Variants in XXYLT1 observed in about 807,000 individuals in gnomAD.
The protein encoded by XXYLT1 is UDP-xylose:alpha-xyloside alpha-1,3-xylosyltransferase.
In XXYLT1, 20 loss-of-function variants were observed where a neutral mutation model predicts 28.9. The observed-to-expected ratio is 0.69, with a 90% CI of 0.49 to 1.00. XXYLT1 has a LOEUF of 1.00. Ranked by LOEUF, XXYLT1 falls within the 50% of genes least tolerant of loss-of-function variation. The pLI is 0.00. For synonymous variants in XXYLT1, 257 were observed against 253.8 expected, an observed-to-expected ratio of 1.01 and a Z score of -0.12; for missense variants, 542 against 560.1, an observed-to-expected ratio of 0.97 and a Z score of 0.33.
intron 2 of XXYLT1, among the ~76,000 whole-genome samples, chr3:195,204,478 T>TCA (rs1722989652): frequency 7.7e-6 from 1 of 130,306 alleles, no homozygotes; most frequent in African/African-American, 2.9e-5. Flanking sequence ...ACTCTCTCAC[T>TCA]CTCTCTCTCT....
chr3:195,157,423 G>A (rs575852829), intron 2 of XXYLT1, among the ~76,000 whole-genome samples: 2 of 152,230 alleles, frequency 1.3e-5, no homozygotes, highest in South Asian at 2.1e-4. Flanking sequence ...CGAAACGGCT[G>A]AATGATCTCA....
At chr3:195,177,439 G>T (rs2108729759) in intron 2 of XXYLT1, among the ~76,000 whole-genome samples, 1 of 152,284 alleles carries the variant, frequency 6.6e-6, no homozygotes, top group South Asian at 2.1e-4. Flanking sequence ...TACCAGGCTT[G>T]CCAAGAGCAT....
rs1438058365 is a variant in XXYLT1 at position 195,180,409 on chromosome 3, C to G, written c.653-23828G>C. The G allele has an allele frequency of 4.1e-6, 4 of 985,562 alleles. No individual in the cohort carries two copies. The highest frequency in any genetic ancestry group is 1.2e-4 in the Admixed American group (2 of 16,270). 61.1% of individuals were successfully genotyped at this position (985,562 alleles called of 1,614,324 possible). On this transcript the variant is annotated intron_variant, in intron 2 of 3. Coordinates refer to ENST00000310380, the MANE Select transcript of XXYLT1 (RefSeq NM_152531.5). This position sits in a 1 kb window ranked among gnomAD's most constrained non-coding sequence, Gnocchi z 5.8. ...GACACACTTCCTTCGGCTGCAGCCT[C>G]GCCGATTCCCGAGCTGTTTCCTGCT...
At chr3:195,085,478 G>A (rs1373620895) in intron 3 of XXYLT1, among the ~76,000 whole-genome samples, 1 of 152,204 alleles carries the variant, frequency 6.6e-6, no homozygotes, top group Non-Finnish European at 1.5e-5. Flanking sequence ...GCATGCCAGC[G>A]CATTTCACCA....
At chr3:195,258,396 G>A (rs1725558143) in intron 1 of XXYLT1, among the ~76,000 whole-genome samples, 1 of 152,192 alleles carries the variant, frequency 6.6e-6, no homozygotes, top group Non-Finnish European at 1.5e-5. Context: ...GTTACTGTGT[G>A]CAATCAGACC....
intron 3 of XXYLT1, among the ~76,000 whole-genome samples, chr3:195,087,909 C>T (rs1315140278): frequency 1.3e-5 from 2 of 151,758 alleles, no homozygotes; most frequent in East Asian, 1.9e-4. Flanking sequence ...CAAAGGGAGT[C>T]AAAGAAAGGG....
At chr3:195,260,145 G>C (rs1258796718) in intron 1 of XXYLT1, 2 of 151,706 alleles carry the variant, frequency 1.3e-5, no homozygotes, top group Non-Finnish European at 2.9e-5. Flanking sequence ...CTCAGGCTTG[G>C]GGGCTGCAGC....
At chr3:195,074,435 G>A (rs531272757) in intron 3 of XXYLT1, among the ~76,000 whole-genome samples, 15 of 152,322 alleles carry the variant, frequency 9.8e-5, no homozygotes, top group Admixed American at 3.3e-4. Flanking sequence ...ACCCGGAAAC[G>A]TGATTTCCCT....
At chr3:195,158,369 C>T (rs949301955) in intron 2 of XXYLT1, among the ~76,000 whole-genome samples, 1 of 152,126 alleles carries the variant, frequency 6.6e-6, no homozygotes, top group Non-Finnish European at 1.5e-5. Flanking sequence ...GCTGGGAGGG[C>T]GGGGCTCAGG....
intron 2 of XXYLT1, among the ~76,000 whole-genome samples, chr3:195,187,237 CAA>C (rs749480905): frequency 1.2e-4 from 13 of 108,298 alleles, no homozygotes; most frequent in Non-Finnish European, 1.7e-4. Flanking sequence ...GACTCCATCT[CAA>C]AAAAAAAAAA....
chr3:195,119,582 GC>G (rs1428649847), intron 3 of XXYLT1, among the ~76,000 whole-genome samples: 1 of 152,134 alleles, frequency 6.6e-6, no homozygotes, highest in Admixed American at 6.5e-5. Context: ...CCTAGCCCGG[GC>G]CCCGCACAGA....
intron 2 of XXYLT1, among the ~76,000 whole-genome samples, chr3:195,193,516 T>C (rs1363301303): frequency 1.3e-5 from 2 of 152,178 alleles, no homozygotes; most frequent in Non-Finnish European, 2.9e-5. Context: ...CCCAGCAGAC[T>C]TTTTGGTAGA....
intron 3 of XXYLT1, among the ~76,000 whole-genome samples, chr3:195,151,176 A>G (rs984732449): frequency 5.3e-5 from 8 of 152,196 alleles, no homozygotes; most frequent in Admixed American, 5.2e-4. Flanking sequence ...TGCTGCTGCT[A>G]AAAAGGGAAG....
intron 3 of XXYLT1, among the ~76,000 whole-genome samples, chr3:195,149,340 G>T (rs369037286): frequency 2.6e-5 from 4 of 152,176 alleles, no homozygotes; most frequent in East Asian, 1.9e-4. Flanking sequence ...TCATCCGATG[G>T]GGGGGCAACA....
rs992461741 is a variant in XXYLT1 at position 195,210,897 on chromosome 3, C to A, written c.652+15812G>T. On this transcript the variant is annotated intron_variant, in intron 2 of 3. Transcript: ENST00000310380. The surrounding 1 kb of genome is among the most constrained non-coding windows in gnomAD (Gnocchi z 4.8). Reference sequence around the variant, plus strand: ...ACACCAAGAACCCCTGCTCCTCCCCCCAGCTGAACGCTGACAGTCAAGGGC... The same window carrying A: ...ACACCAAGAACCCCTGCTCCTCCCCACAGCTGAACGCTGACAGTCAAGGGC... Among the ~76,000 whole-genome samples the A allele has an allele frequency of 3.3e-5, 5 of 152,196 alleles. No homozygotes were observed. The highest frequency in any genetic ancestry group is 5.9e-5 in the Non-Finnish European group (4 of 68,022).
chr3:195,191,822 C>T (rs1722433430), intron 2 of XXYLT1, among the ~76,000 whole-genome samples: 1 of 152,208 alleles, frequency 6.6e-6, no homozygotes, highest in South Asian at 2.1e-4. Flanking sequence ...TTAAGAATTA[C>T]ATATGCATAC....
chr3:195,270,281 G>C, intron 1 of XXYLT1: 1 of 686,724 alleles, frequency 1.5e-6, no homozygotes, highest in Non-Finnish European at 2.3e-6. Context: ...GGGGGCGCGC[G>C]GACTCTCCTG....
chr3:195,232,270 C>T (rs1267013273), intron 1 of XXYLT1, among the ~76,000 whole-genome samples: 1 of 151,898 alleles, frequency 6.6e-6, no homozygotes, highest in Non-Finnish European at 1.5e-5. Context: ...TGGGTCTTCT[C>T]TCTTTTTTTT....
At chr3:195,225,727 TG>T (rs1296328515) in intron 2 of XXYLT1, among the ~76,000 whole-genome samples, 1 of 148,744 alleles carries the variant, frequency 6.7e-6, no homozygotes, top group Non-Finnish European at 1.5e-5. Context: ...CCACATGTGG[TG>T]GGGGGGACCT....
Sources: gnomAD v4.1 joint callset for allele counts (sites outside exome capture counted in the v4.1 genomes callset) on GRCh38, gnomAD v4.1.1 for gene constraint, Gnocchi (gnomAD v3.1) non-coding constraint, MANE v1.5 for transcripts, NCBI Gene and HGNC (gene_info 2026-07-23, HGNC 2026-07-21) for gene names.